Variants in MYH8 observed in about 807,000 individuals in gnomAD.
The protein encoded by MYH8 is myosin heavy chain 8.
Under a neutral mutation model 233.2 loss-of-function variants are expected in MYH8, and 168 were observed. That is an observed-to-expected ratio of 0.72 (90% confidence interval 0.64 to 0.82). The LOEUF is 0.82. Among genes scored for constraint, MYH8 ranks in the 40% least tolerant of loss-of-function variants. The probability of loss-of-function intolerance (pLI) is 0.00; values close to 1 mark genes in which losing one functional copy is unlikely to be tolerated. For synonymous variants in MYH8, 785 were observed against 850.6 expected (o/e 0.92, Z 1.34); for missense variants, 1,995 against 2,327.8 (o/e 0.86, Z 2.94).
chr17:10,404,726 TACACAC>T (rs60545187), intron 21 of MYH8, 141 bp from the exon 22 acceptor site: 139 of 776,982 alleles, frequency 1.8e-4, no homozygotes, highest in South Asian at 3.6e-4. Flanking sequence ...ATGCAGGCTT[TACACAC>T]ACACACACAC....
Position 10,398,544 on chromosome 17 carries a change from G to A in MYH8, c.4078C>T (p.Leu1360=). The change falls in exon 30 of 40, where the codon CTG becomes TTG. Residue 1360 remains leucine, a synonymous_variant. Coordinates refer to ENST00000403437, the MANE Select transcript of MYH8 (RefSeq NM_002472.3). The part of the protein sequence containing the change: ...YEEEQEGKAE[L]QRALSKANSE... The stretch of plus-strand genomic sequence containing the variant: ...TTGGCCTTGGACAGCGCCCTCTGCA[G>A]CTCAGCTTTGCCTTCCTGCTCTTCC... The A allele has an allele frequency of 6.2e-7, 1 of 1,614,200 alleles. No individual in the cohort carries two copies. The highest frequency in any genetic ancestry group is 8.5e-7 in the Non-Finnish European group (1 of 1,180,030).
At position 10,392,811 on chromosome 17, in the gene MYH8, A is replaced by G. The variant is rs112859834; in HGVS notation, c.5463+20T>C. 4.5e-4 allele frequency: 729 copies of G among 1,614,124 alleles called. 5 individuals are homozygous for G. In the African/African-American group the frequency reaches 8.7e-3, roughly 19 times the overall value. On this transcript the variant is annotated intron_variant, in intron 37 of 39. Coordinates refer to ENST00000403437, the MANE Select transcript of MYH8 (RefSeq NM_002472.3). ...GTGCCCTTTTTCCCTTCCCAGATTT[A>G]GAGAGATTGAGACACCCACCCTGGC... is the stretch of plus-strand genomic sequence containing the variant.
chr17:10,415,412 C>G lies in MYH8; in HGVS notation c.649-28G>C. 1 of 1,613,646 alleles carries G rather than the reference C, an allele frequency of 6.2e-7. No individual in the cohort carries two copies. The highest frequency in any genetic ancestry group is 8.5e-7 in the Non-Finnish European group (1 of 1,179,524). ...GCAAAGGAAGGAGCAGTTCTCACATCTGGGACTCCAGATGTCTGAGAGCCT... is the reference window on the plus strand; with the variant it reads ...GCAAAGGAAGGAGCAGTTCTCACATGTGGGACTCCAGATGTCTGAGAGCCT... On this transcript the variant is annotated intron_variant, in intron 7 of 39. Coordinates refer to ENST00000403437, the MANE Select transcript of MYH8 (RefSeq NM_002472.3). This position sits in a 1 kb window ranked among gnomAD's most constrained non-coding sequence, Gnocchi z 4.1.
At position 10,406,674 on chromosome 17, in the gene MYH8, A is replaced by T. The variant is rs1332730773; in HGVS notation, c.2171+16T>A. 1.1e-5 allele frequency: 18 copies of T among 1,597,292 alleles called. No homozygotes were observed. The highest frequency in any genetic ancestry group is 1.3e-5 in the Non-Finnish European group (15 of 1,165,076). On this transcript the variant is annotated intron_variant, in intron 19 of 39. Transcript: ENST00000403437. ...CTAATTCACAGTGTTAATGAAATAC[A>T]TCAAAGAAGACTGACCTTTGTTTGA...
At chr17:10,407,958 T>C (rs1160724122) in intron 17 of MYH8, among the ~76,000 whole-genome samples, 1 of 151,600 alleles carries the variant, frequency 6.6e-6, no homozygotes, top group Non-Finnish European at 1.5e-5. Context: ...TTTTTTTTTT[T>C]TTGACAGAAT....
At chr17:10,418,167 A>G (rs1186475118) in intron 5 of MYH8, among the ~76,000 whole-genome samples, 1 of 152,174 alleles carries the variant, frequency 6.6e-6, no homozygotes, top group African/African-American at 2.4e-5. Flanking sequence ...TTCTTTACTC[A>G]TGTTTTACCC....
At position 10,401,733 on chromosome 17, in the gene MYH8, T is replaced by G. The variant is rs780682650; in HGVS notation, c.2741A>C (p.Asn914Thr). Residue 914 changes from asparagine to threonine, a missense_variant, in exon 23 of 40, where the codon AAC (asparagine) becomes ACC (threonine). Physicochemically the swap from Asn to Thr is moderately conservative, Grantham distance 65. Coordinates refer to ENST00000403437, the MANE Select transcript of MYH8 (RefSeq NM_002472.3). ...GATTTTGGCCTCAAGTTGGATTTTG[T>G]TTTTAATCAGTTGCTCACACCTTTC... is the stretch of plus-strand genomic sequence containing the variant. ...AEERCEQLIK[N>T]KIQLEAKIKE... 7 of 1,614,200 alleles carry G rather than the reference T, an allele frequency of 4.3e-6. No individual in the cohort carries two copies. In the East Asian group the frequency reaches 1.3e-4, roughly 31 times the overall value.
At chr17:10,391,778 G>T in intron 39 of MYH8, 104 bp downstream of exon 39, 1 of 875,634 alleles carries the variant, frequency 1.1e-6, no homozygotes, top group East Asian at 2.4e-5. Flanking sequence ...TAAAATGAGT[G>T]GTAGATTTTC....
chr17:10,399,787 G>T, intron 27 of MYH8, 118 bp from the exon 28 acceptor site: 1 of 1,409,654 alleles, frequency 7.1e-7, no homozygotes, highest in Non-Finnish European at 9.8e-7. Flanking sequence ...AGAAAGTTAG[G>T]ACATCAACTC....
At chr17:10,404,153 T>G (rs2072166474) in intron 22 of MYH8, among the ~76,000 whole-genome samples, 177 bp downstream of exon 22, 1 of 152,218 alleles carries the variant, frequency 6.6e-6, no homozygotes, top group South Asian at 2.1e-4. Context: ...CTTTTCCCAT[T>G]GTAACTTGGA....
intron 15 of MYH8, among the ~76,000 whole-genome samples, chr17:10,410,356 T>C (rs1037982035): frequency 3.9e-5 from 6 of 152,216 alleles, no homozygotes; most frequent in African/African-American, 1.4e-4. Context: ...GTATGCAGTT[T>C]GACTTCTTGA....
At chr17:10,399,417 A>G in intron 28 of MYH8, 126 bp downstream of exon 28, 1 of 1,519,394 alleles carries the variant, frequency 6.6e-7, no homozygotes, top group Non-Finnish European at 9.1e-7. Flanking sequence ...TTCCTTTTTG[A>G]CCTTCTTAGC....
Position 10,400,713 on chromosome 17 carries a change from G to A in MYH8, c.3412C>T (p.Gln1138Ter). 6.2e-7 allele frequency: 1 copy of A among 1,614,180 alleles called. No homozygotes were observed. The highest frequency in any genetic ancestry group is 8.5e-7 in the Non-Finnish European group (1 of 1,180,044). The change falls in exon 27 of 40, where the codon CAG becomes TAG. Residue 1138 changes from glutamine to a stop codon, truncating the protein, a stop_gained. Transcript: ENST00000403437. LOFTEE classifies it high-confidence loss of function. The surrounding 1 kb of genome is among the most constrained non-coding windows in gnomAD (Gnocchi z 4.0). ...ERASRAKAEK[Q>*]RSDLSRELEE... ...AGTTCCCGGGAGAGGTCAGAGCGCT[G>A]CTTCTCCGCTTTGGCTCGGGACGCC...
At chr17:10,403,068 T>G (rs1038975954) in intron 22 of MYH8, among the ~76,000 whole-genome samples, 3 of 152,196 alleles carry the variant, frequency 2.0e-5, no homozygotes, top group African/African-American at 7.2e-5. Flanking sequence ...AAAGTCTATG[T>G]TGAGCCCCTG....
At chr17:10,404,710 T>TATTATATGCA (rs2072175992) in intron 21 of MYH8, 125 bp from the exon 22 acceptor site, 1 of 1,180,502 alleles carries the variant, frequency 8.5e-7, no homozygotes, top group Non-Finnish European at 1.2e-6. Context: ...ATTCTCTATA[T>TATTATATGCA]ATTATATGCA....
chr17:10,407,563 A>G (rs1048555269), intron 17 of MYH8, among the ~76,000 whole-genome samples: 7 of 152,120 alleles, frequency 4.6e-5, no homozygotes, highest in African/African-American at 1.7e-4. Context: ...GAAACTGGCC[A>G]GGCATGGTGG....
At chr17:10,418,230 C>T (rs79609323) in intron 5 of MYH8, among the ~76,000 whole-genome samples, 105 of 152,324 alleles carry the variant, frequency 6.9e-4, no homozygotes, top group African/African-American at 2.4e-3. Context: ...TAAGAATTCA[C>T]AAAGTTTTCC....
chr17:10,390,432 T>C lies in MYH8; in HGVS notation c.*22A>G. The C allele has an allele frequency of 6.2e-7, 1 of 1,612,770 alleles. No homozygotes were observed. Among genetic ancestry groups the C allele is most frequent in the South Asian group, 1.1e-5 (1 of 91,028 alleles). ...CATTTTGTGCCTTTCTTCAGCCTCT[T>C]GATAGCATCAGGCAGGTGTGTTTAC... On this transcript the variant is annotated 3_prime_UTR_variant, in exon 40 of 40. Coordinates refer to ENST00000403437, the MANE Select transcript of MYH8 (RefSeq NM_002472.3).
intron 2 of MYH8, 123 bp downstream of exon 2, chr17:10,421,540 C>T (rs1341049808): frequency 6.6e-6 from 1 of 151,974 alleles, no homozygotes; most frequent in South Asian, 2.1e-4. Context: ...AACACTCACT[C>T]GGAAACACTC....
Sources: allele counts gnomAD v4.1 joint callset (sites outside exome capture counted in the v4.1 genomes callset), GRCh38; gene constraint gnomAD v4.1.1; non-coding constraint Gnocchi (gnomAD v3.1); transcripts MANE v1.5; gene names NCBI Gene and HGNC (gene_info 2026-07-23, HGNC 2026-07-21).